Variants in NCOR2 observed in about 807,000 individuals in gnomAD.
The protein encoded by NCOR2 is nuclear receptor corepressor 2, also known as CTG repeat protein 26.
Under a neutral mutation model 262.9 loss-of-function variants are expected in NCOR2, and 81 were observed. The ratio of observed to expected loss-of-function variants is 0.31; its 90% CI spans 0.26 to 0.37. NCOR2 has a LOEUF of 0.37. NCOR2 is among the 10% of genes least tolerant of loss of function. The pLI is 1.00. For synonymous variants in NCOR2, 1,659 were observed against 1,559.3 expected (o/e 1.06, Z -1.51); for missense variants, 3,385 against 3,621.4 (o/e 0.93, Z 1.68).
exon 15 of NCOR2, chr12:124,400,649 C>T: frequency 1.2e-6 from 2 of 1,614,182 alleles, no homozygotes; most frequent in Non-Finnish European, 1.7e-6. Context: ...CGTTGTCCTC[C>T]CCTGAGGTGT....
At chr12:124,366,046 G>T (rs1049633321) in intron 20 of NCOR2, among the ~76,000 whole-genome samples, 1 of 152,114 alleles carries the variant, frequency 6.6e-6, no homozygotes, top group Admixed American at 6.5e-5. Context: ...GAAAGCAGTC[G>T]GTGAGCCCTC....
chr12:124,427,977 C>T (rs1340929729), intron 10 of NCOR2, among the ~76,000 whole-genome samples: 3 of 152,046 alleles, frequency 2.0e-5, no homozygotes, highest in Non-Finnish European at 2.9e-5. Context: ...TCCACTTCCA[C>T]CCTTCACCCC....
chr12:124,566,402 G>A lies in NCOR2; in HGVS notation c.-165+906C>T, dbSNP rs1416725941. Among the ~76,000 whole-genome samples, 9 of 152,080 alleles carry A rather than the reference G, an allele frequency of 5.9e-5. No individual in the cohort carries two copies. The highest frequency in any genetic ancestry group is 5.9e-4 in the Admixed American group (9 of 15,280). ...CCACGCTAATTGGGCCCGGGCGACA[G>A]CAGCTCCCAGGTACAGCCTGTCTCT... On this transcript the variant is annotated intron_variant, in intron 1 of 32. Coordinates refer to the NCOR2 transcript ENST00000458234. The surrounding 1 kb of genome is among the most constrained non-coding windows in gnomAD (Gnocchi z 4.3).
intron 22 of NCOR2, among the ~76,000 whole-genome samples, chr12:124,359,018 A>G (rs1280584827): frequency 6.6e-6 from 1 of 152,238 alleles, no homozygotes. Context: ...CCAGACTGCT[A>G]TGCCACATGG....
In NCOR2 at chr12:124,342,801, A is replaced by C. The variant is rs557669302; in HGVS notation, c.4936+204T>G. On this transcript the variant is annotated intron_variant, in intron 33 of 46. Transcript: ENST00000405201. The stretch of plus-strand genomic sequence containing the variant: ...GAAAACCACTGAAATGTTTAACCCC[A>C]CATGTCCTGCAAACTACTAAGAGAA... Among the ~76,000 whole-genome samples, 57 of 152,302 alleles carry C rather than the reference A, an allele frequency of 3.7e-4. 1 individual carries two copies. Among genetic ancestry groups the C allele is most frequent in the African/African-American group, 1.3e-3 (54 of 41,560 alleles).
intron 42 of NCOR2, among the ~76,000 whole-genome samples, chr12:124,332,794 G>A (rs1266559937): frequency 1.3e-5 from 2 of 152,118 alleles, no homozygotes; most frequent in African/African-American, 4.8e-5. Flanking sequence ...AGCGGGCCCA[G>A]CTTCCTTCTC....
upstream of NCOR2, among the ~76,000 whole-genome samples, chr12:124,498,511 T>G (rs1390593246): frequency 6.6e-6 from 1 of 151,960 alleles, no homozygotes; most frequent in Non-Finnish European, 1.5e-5. Context: ...CCACCCTCAC[T>G]CACCACGAGC....
At position 124,504,986 on chromosome 12, in the gene NCOR2, G is replaced by A. The variant is rs767226185; in HGVS notation, c.-117-9618C>T. 6.6e-6 allele frequency among the ~76,000 whole-genome samples: 1 copy of A among 152,204 alleles called. No individual in the cohort carries two copies. Among genetic ancestry groups the A allele is most frequent in the African/African-American group, 2.4e-5 (1 of 41,450 alleles). The stretch of plus-strand genomic sequence containing the variant: ...TGCACAACCCGTGAATGTCCTAAAT[G>A]CAAACTAATTGTTCACTTTAGTATA... On this transcript the variant is annotated intron_variant, in intron 1 of 46. Transcript: ENST00000404621. The surrounding 1 kb of genome is among the most constrained non-coding windows in gnomAD (Gnocchi z 4.5).
chr12:124,557,594 T>G (rs1183697440), intron 1 of NCOR2, among the ~76,000 whole-genome samples: 6 of 152,180 alleles, frequency 3.9e-5, no homozygotes, highest in Non-Finnish European at 8.8e-5. Flanking sequence ...AGCCTGAGGT[T>G]CCAGGAGGGA....
At position 124,378,903 on chromosome 12, in the gene NCOR2, G is replaced by A. The variant is rs1296730650; in HGVS notation, c.2020-519C>T. Among the ~76,000 whole-genome samples the A allele has an allele frequency of 8.0e-6, 1 of 124,890 alleles. No individual in the cohort carries two copies. Among genetic ancestry groups the A allele is most frequent in the African/African-American group, 2.6e-5 (1 of 38,340 alleles). 81.9% of individuals were successfully genotyped at this position (124,890 alleles called of 152,430 possible). ...CCAGGGCTGTGGGGACACAAGGCACGGGGTAGACAAGGTCCTGCCCTTGGA... is the reference window on the plus strand; with the variant it reads ...CCAGGGCTGTGGGGACACAAGGCACAGGGTAGACAAGGTCCTGCCCTTGGA... On this transcript the variant is annotated intron_variant, in intron 17 of 46. Coordinates refer to ENST00000405201, the Ensembl canonical transcript of NCOR2. This position sits in a 1 kb window ranked among gnomAD's most constrained non-coding sequence, Gnocchi z 4.2.
intron 1 of NCOR2, among the ~76,000 whole-genome samples, chr12:124,535,354 C>T (rs1055325108): frequency 6.6e-6 from 1 of 152,384 alleles, no homozygotes; most frequent in Admixed American, 6.5e-5. Context: ...AGCCAGGAAA[C>T]GGCCCATCAC....
At chr12:124,346,615 C>T (rs779461576) in exon 31 of NCOR2, 27 of 1,591,686 alleles carry the variant, frequency 1.7e-5, no homozygotes, top group African/African-American at 5.4e-5. Context: ...GCAGCTCGGG[C>T]GTGTGCCGCA....
exon 30 of NCOR2, chr12:124,347,844 G>A: frequency 6.4e-7 from 1 of 1,567,038 alleles, no homozygotes; most frequent in Admixed American, 1.9e-5. Flanking sequence ...TGGACCCGCG[G>A]ATGTGGTGCT....
chr12:124,391,632 A>G (rs2041312592), intron 16 of NCOR2, among the ~76,000 whole-genome samples: 1 of 152,210 alleles, frequency 6.6e-6, no homozygotes, highest in Admixed American at 6.5e-5. Context: ...TGGCTGGATA[A>G]CATCACACCT....
upstream of NCOR2, chr12:124,539,606 G>T (rs914861424): frequency 6.6e-6 from 1 of 152,406 alleles, no homozygotes; most frequent in African/African-American, 2.4e-5. The surrounding 1 kb of genome is among the most constrained non-coding windows in gnomAD (Gnocchi z 5.1). Flanking sequence ...CGGCAAAGCA[G>T]ATGCACGGGG....
intron 3 of NCOR2, among the ~76,000 whole-genome samples, chr12:124,474,036 G>A: frequency 6.6e-6 from 1 of 152,168 alleles, no homozygotes; most frequent in Middle Eastern, 3.2e-3. Context: ...AAGTTGTGAA[G>A]TCTTCCAACT....
intron 10 of NCOR2, 103 bp downstream of exon 12, chr12:124,429,510 C>G: frequency 7.9e-7 from 1 of 1,268,266 alleles, no homozygotes. Context: ...CAAAGCCCCT[C>G]GACGTAAACC....
chr12:124,533,409 T>C (rs2050952130), intron 1 of NCOR2, among the ~76,000 whole-genome samples: 1 of 151,666 alleles, frequency 6.6e-6, no homozygotes, highest in African/African-American at 2.4e-5. Flanking sequence ...AGGTCTTTGC[T>C]CAAAGGCCAC....
At chr12:124,325,420 T>A in exon 47 of NCOR2, 1 of 587,784 alleles carries the variant, frequency 1.7e-6, no homozygotes, top group Non-Finnish European at 2.3e-6. Context: ...TGTCGGAGAG[T>A]GTCTCGTACT....
Sources: allele counts gnomAD v4.1 joint callset (sites outside exome capture counted in the v4.1 genomes callset), GRCh38; gene constraint gnomAD v4.1.1; non-coding constraint Gnocchi (gnomAD v3.1); transcripts MANE v1.5; gene names NCBI Gene and HGNC (gene_info 2026-07-23, HGNC 2026-07-21).